Variants in TMOD3 observed in about 807,000 individuals in gnomAD.
TMOD3 encodes the protein tropomodulin 3.
A neutral mutation model predicts 39.2 loss-of-function variants in TMOD3; 20 were observed. That is an observed-to-expected ratio of 0.51 (90% CI 0.36 to 0.74). The LOEUF is 0.74. Among genes scored for constraint, TMOD3 ranks in the 30% least tolerant of loss-of-function variants. TMOD3 has a pLI of 0.00. For missense variants in TMOD3, 381 were observed against 412.8 expected (o/e 0.92, Z 0.67); for synonymous variants, 143 against 145.8 (o/e 0.98, Z 0.14).
intron 3 of TMOD3, among the ~76,000 whole-genome samples, chr15:51,876,925 C>T (rs1460914826): frequency 1.3e-5 from 2 of 151,934 alleles, no homozygotes; most frequent in Admixed American, 6.6e-5. Context: ...TAGCTGGATG[C>T]GGTGGTGTGT....
At chr15:51,881,550 C>CTTTTTTTTTTTTTTTTTT (rs753814979) in intron 3 of TMOD3, among the ~76,000 whole-genome samples, 4 of 61,828 alleles carry the variant, frequency 6.5e-5, no homozygotes, top group African/African-American at 2.7e-4. Context: ...TTCTTTATTT[C>CTTTTTTTTTTTTTTTTTT]TTTTTTTTTT....
intron 7 of TMOD3, 133 bp from the exon 8 acceptor site, chr15:51,900,022 G>A: frequency 1.2e-6 from 1 of 866,616 alleles, no homozygotes; most frequent in Non-Finnish European, 1.8e-6. Context: ...AGAGCTATGG[G>A]CTACTGTGTC....
At chr15:51,840,666 C>A (rs1307680221) in intron 1 of TMOD3, among the ~76,000 whole-genome samples, 2 of 152,196 alleles carry the variant, frequency 1.3e-5, no homozygotes, top group Admixed American at 1.3e-4. Context: ...TCCTGCCCTT[C>A]TTAAATGGAG....
At position 51,907,595 on chromosome 15, in the gene TMOD3, A is replaced by G. The variant is rs1337229017; in HGVS notation, c.1025-1181A>G. ...CTGTTGGCTTCTAGTTCCTCTGTCA[A>G]ACAGCCAATTTAGGCCAAAGTACAC... On this transcript the variant is annotated intron_variant, in intron 9 of 9. Coordinates refer to ENST00000308580, the MANE Select transcript of TMOD3 (RefSeq NM_014547.5). Among the ~76,000 whole-genome samples the G allele has an allele frequency of 3.3e-5, 5 of 152,340 alleles. No individual in the cohort carries two copies. In the East Asian group the frequency reaches 9.6e-4, roughly 29 times the overall value.
intron 1 of TMOD3, among the ~76,000 whole-genome samples, chr15:51,837,614 A>G (rs931805394): frequency 3.3e-5 from 5 of 152,140 alleles, no homozygotes; most frequent in African/African-American, 1.2e-4. Context: ...AACCCTACAC[A>G]GAAATGGACC....
chr15:51,875,176 C>T (rs1218985975), intron 3 of TMOD3: 2 of 152,112 alleles, frequency 1.3e-5, no homozygotes, highest in Non-Finnish European at 1.5e-5. Context: ...AGACCTGATC[C>T]CTTAGTAAAC....
At chr15:51,890,730 T>C (rs1181530447) in intron 5 of TMOD3, among the ~76,000 whole-genome samples, 2 of 152,232 alleles carry the variant, frequency 1.3e-5, no homozygotes, top group Non-Finnish European at 2.9e-5. Context: ...TGTATACATC[T>C]ACATCATTCA....
chr15:51,889,240 A>G lies in TMOD3; in HGVS notation c.496+95A>G, dbSNP rs1384050557. On this transcript the variant is annotated intron_variant, in intron 5 of 9. Coordinates refer to ENST00000308580, the MANE Select transcript of TMOD3 (RefSeq NM_014547.5). ...CTTAAGTGTTCACATACTAGATGTT[A>G]TATATATGTACTTGAAACCTGACAT... The G allele has an allele frequency of 9.3e-6, 7 of 752,170 alleles. No homozygotes were observed. The African/African-American group carries it at 1.1e-4, about 12-fold the overall frequency. 46.6% of individuals were successfully genotyped at this position (752,170 alleles called of 1,614,324 possible). A position where few individuals can be genotyped will look rare whatever the true frequency, so the allele number is the denominator to read the frequency against.
chr15:51,909,912 A>G lies in TMOD3; in HGVS notation c.*1102A>G, dbSNP rs1595916521. The G allele has an allele frequency of 6.6e-6, 1 of 152,246 alleles. No homozygotes were observed. Among genetic ancestry groups the G allele is most frequent in the South Asian group, 2.1e-4 (1 of 4,828 alleles). 9.4% of individuals were successfully genotyped at this position (152,246 alleles called of 1,614,324 possible). On this transcript the variant is annotated 3_prime_UTR_variant, in exon 10 of 10. Coordinates refer to ENST00000308580, the MANE Select transcript of TMOD3 (RefSeq NM_014547.5). Reference sequence around the variant, plus strand: ...ATTCTTCATAAATCTAATTTTTAGTATATGCTTCCTTTCATCTTATACTTT... The same window carrying G: ...ATTCTTCATAAATCTAATTTTTAGTGTATGCTTCCTTTCATCTTATACTTT...
At chr15:51,881,406 T>G (rs1419450868) in intron 3 of TMOD3, among the ~76,000 whole-genome samples, 1 of 152,206 alleles carries the variant, frequency 6.6e-6, no homozygotes, top group Admixed American at 6.5e-5. Flanking sequence ...TTCACTTTCT[T>G]GATGGTATAA....
chr15:51,858,491 C>T (rs2056399420), intron 1 of TMOD3: 2 of 150,900 alleles, frequency 1.3e-5, no homozygotes, highest in African/African-American at 4.9e-5. Flanking sequence ...AACAGGTATA[C>T]ACCAGACCTG....
intron 3 of TMOD3, among the ~76,000 whole-genome samples, chr15:51,872,473 G>C (rs867763728): frequency 1.3e-5 from 2 of 151,946 alleles, no homozygotes; most frequent in South Asian, 2.1e-4. Flanking sequence ...TCTTGTGAAA[G>C]GTAATTACCA....
rs1168535931 is a variant in TMOD3, at chr15:51,896,440, A to G, written c.649A>G (p.Lys217Glu). 1 of 1,612,842 alleles carries G rather than the reference A, an allele frequency of 6.2e-7. No individual in the cohort carries two copies. The highest frequency in any genetic ancestry group is 1.3e-5 in the African/African-American group (1 of 74,912). ...NIKNIPIPTL[K>E]DFAKALETNT... ...CAAGAATATCCCAATTCCAACCCTA[A>G]AAGATTTTGCAAAGGCTTTGGAAAC... The change falls in exon 7 of 10, where the codon AAA becomes GAA. Residue 217 changes from lysine (K) to glutamate (E), a missense_variant. Lys to Glu is a moderately conservative substitution (Grantham distance 56). Transcript: ENST00000308580.
chr15:51,876,360 G>A (rs1398968649), intron 3 of TMOD3, among the ~76,000 whole-genome samples: 1 of 151,870 alleles, frequency 6.6e-6, no homozygotes, highest in African/African-American at 2.4e-5. Flanking sequence ...TTTAGAGGCG[G>A]GTCTTGCTAT....
intron 7 of TMOD3, among the ~76,000 whole-genome samples, 198 bp downstream of exon 7, chr15:51,896,724 C>T (rs1260016110): frequency 6.6e-6 from 1 of 151,886 alleles, no homozygotes; most frequent in Non-Finnish European, 1.5e-5. Context: ...TCCCAGCTTC[C>T]CCCTCCTTCC....
At chr15:51,868,816 G>A (rs984379404) in intron 2 of TMOD3, among the ~76,000 whole-genome samples, 4 of 152,146 alleles carry the variant, frequency 2.6e-5, no homozygotes, top group African/African-American at 4.8e-5. Flanking sequence ...TACCCAAAAC[G>A]CAAAAATTAG....
chr15:51,867,296 A>G (rs553435970), intron 2 of TMOD3, among the ~76,000 whole-genome samples: 25 of 152,354 alleles, frequency 1.6e-4, no homozygotes, highest in Admixed American at 1.4e-3. Context: ...TCAGGAAGTA[A>G]AAATGAGTAG....
rs185075419 is a variant in TMOD3, at chr15:51,852,133, G to A, written c.-74-10678G>A. Among the ~76,000 whole-genome samples the A allele has an allele frequency of 6.3e-4, 96 of 152,276 alleles. No homozygotes were observed. The Middle Eastern group carries it at 0.01, about 16-fold the overall frequency. On this transcript the variant is annotated intron_variant, in intron 1 of 9. Transcript: ENST00000308580. ...CTTGTCTGTCTTGTATACTGCTTAT[G>A]CCTGTTGTCTAGAACAAGTAATTCA...
intron 1 of TMOD3, chr15:51,860,051 C>T (rs2056409129): frequency 1.9e-6 from 1 of 529,110 alleles, no homozygotes; most frequent in Admixed American, 1.9e-5. Flanking sequence ...ATATACGGCA[C>T]AGCATCTGTC....
Sources: allele counts gnomAD v4.1 joint callset (sites outside exome capture counted in the v4.1 genomes callset), GRCh38; gene constraint gnomAD v4.1.1; transcripts MANE v1.5; gene names NCBI Gene and HGNC (gene_info 2026-07-23, HGNC 2026-07-21).